Variants in KIAA1614 observed in about 807,000 individuals in gnomAD.
KIAA1614 encodes the protein KIAA1614, also known as uncharacterized protein KIAA1614.
In KIAA1614, 76 loss-of-function variants were observed where a neutral mutation model predicts 88.7. That is an observed-to-expected ratio of 0.86 (90% CI 0.71 to 1.04). The LOEUF is 1.04. Among genes scored for constraint, KIAA1614 ranks in the 50% least tolerant of loss-of-function variants. The pLI is 0.00. For missense variants in KIAA1614, 1,553 were observed against 1,582.5 expected (o/e 0.98, Z 0.32); for synonymous variants, 714 against 675.5 (o/e 1.06, Z -0.88).
chr1:180,942,215 T>TA (rs1654484560), intron 7 of KIAA1614, among the ~76,000 whole-genome samples: 2 of 152,230 alleles, frequency 1.3e-5, no homozygotes, highest in South Asian at 4.1e-4. Context: ...TTCCGGTACT[T>TA]ACTAGGGAAG....
In KIAA1614 at chr1:180,913,251, G is replaced by A. The variant is rs544186898; in HGVS notation, c.8G>A (p.Gly3Glu). 62 of 1,262,478 alleles carry A rather than the reference G, an allele frequency of 4.9e-5. No homozygotes were observed. In the African/African-American group the frequency reaches 8.7e-4, roughly 18 times the overall value. 78.2% of individuals were successfully genotyped at this position (1,262,478 alleles called of 1,614,324 possible). ME[G>E]TEAAAAKPAG... Reference sequence around the variant, plus strand: ...GCCTGGCCTCTCCGAGGGATGGAGGGGACAGAGGCGGCGGCGGCCAAACCC... The same window carrying A: ...GCCTGGCCTCTCCGAGGGATGGAGGAGACAGAGGCGGCGGCGGCCAAACCC... Residue 3 changes from glycine (G) to glutamate (E), a missense_variant, in exon 1 of 9, where the codon GGG (glycine) becomes GAG (glutamate). Coordinates refer to ENST00000367588, the MANE Select transcript of KIAA1614 (RefSeq NM_020950.2).
At position 180,945,544 on chromosome 1, in the gene KIAA1614, A is replaced by T. The variant is rs1558074144; in HGVS notation, c.3529A>T (p.Arg1177Trp). Residue 1177 changes from arginine to tryptophan, a missense_variant, in exon 9 of 9, where the codon AGG (arginine) becomes TGG (tryptophan). By Grantham distance (101) the Arg-to-Trp change is moderately radical. Coordinates refer to ENST00000367588, the MANE Select transcript of KIAA1614 (RefSeq NM_020950.2). ...HGWGGLSKQG[R>W]AFWLWSEAFL... ...CTGGGGCGGCCTTAGCAAACAAGGC[A>T]GGGCCTTCTGGCTGTGGTCAGAGGC... 6.2e-7 allele frequency: 1 copy of T among 1,613,674 alleles called. No homozygotes were observed. The highest frequency in any genetic ancestry group is 8.5e-7 in the Non-Finnish European group (1 of 1,179,946).
Position 180,935,688 on chromosome 1 carries a change from G to C in KIAA1614, c.1779G>C (p.Trp593Cys), listed in dbSNP as rs1286531188. ...CAGAGCCCCGGCTCCACATGGAATG[G>C]ATCCGGGAAACACACATCGGAGACA... ...LPAEPRLHME[W>C]IRETHIGDTV... Residue 593 changes from tryptophan (W) to cysteine (C), a missense_variant, in exon 5 of 9, where the codon TGG (tryptophan) becomes TGC (cysteine). By Grantham distance (215) the Trp-to-Cys change is radical (BLOSUM62 -2). Coordinates refer to ENST00000367588, the MANE Select transcript of KIAA1614 (RefSeq NM_020950.2). The surrounding 1 kb of genome is among the most constrained non-coding windows in gnomAD (Gnocchi z 6.1). 1.9e-5 allele frequency: 30 copies of C among 1,613,502 alleles called. No individual in the cohort carries two copies. Among genetic ancestry groups the C allele is most frequent in the Non-Finnish European group, 2.4e-5 (28 of 1,179,948 alleles).
chr1:180,938,151 GT>G (rs1558071442), intron 5 of KIAA1614, among the ~76,000 whole-genome samples: 1 of 152,230 alleles, frequency 6.6e-6, no homozygotes, highest in African/African-American at 2.4e-5. Context: ...AAGATTGTGG[GT>G]TTTGTCCCAG....
Position 180,946,320 on chromosome 1 carries a change from G to C in KIAA1614, c.*732G>C, listed in dbSNP as rs761465956. On this transcript the variant is annotated 3_prime_UTR_variant, in exon 9 of 9. Transcript: ENST00000367588. ...CCGTCCCTCCCTCAGGCCTGTGCCC[G>C]ATGATTATGTTCAGATGAATCCTGG... 1 of 152,314 alleles carries C rather than the reference G, an allele frequency of 6.6e-6. No homozygotes were observed. The highest frequency in any genetic ancestry group is 3.4e-3 in the Middle Eastern group (1 of 294). The allele number at this position is 152,314 out of a possible 1,614,324, so 9.4% of individuals were successfully genotyped here.
chr1:180,945,252 G>A (rs748047306), intron 8 of KIAA1614, 51 bp from the exon 9 acceptor site: 19 of 1,546,386 alleles, frequency 1.2e-5, no homozygotes, highest in Non-Finnish European at 1.0e-5. Flanking sequence ...GAAGAGCTGT[G>A]CCCAGTGCCT....
chr1:180,917,151 AGAGGGAGGAAAAGGGGAC>A (rs1653835067), intron 2 of KIAA1614, 51 bp downstream of exon 2: 1 of 1,476,800 alleles, frequency 6.8e-7, no homozygotes, highest in East Asian at 2.3e-5. Context: ...GAGGGAATCC[AGAGGGAGGAAAAGGGGAC>A]GAGGGGGTCC....
chr1:180,916,745 T>C lies in KIAA1614; in HGVS notation c.642T>C (p.His214=). ...GPSSLQQSPI[H]GVTPGRPGGP... ...GCTCTTTGCAACAGAGCCCGATCCA[T>C]GGAGTTACTCCCGGACGGCCTGGGG... The change falls in exon 2 of 9, where the codon CAT becomes CAC. Residue 214 remains histidine, a synonymous_variant. Coordinates refer to ENST00000367588, the MANE Select transcript of KIAA1614 (RefSeq NM_020950.2). 6.2e-7 allele frequency: 1 copy of C among 1,614,182 alleles called. No homozygotes were observed. Among genetic ancestry groups the C allele is most frequent in the Non-Finnish European group, 8.5e-7 (1 of 1,180,034 alleles).
chr1:180,936,711 T>C (rs1571297976), intron 5 of KIAA1614, 41 bp downstream of exon 5: 1 of 1,382,368 alleles, frequency 7.2e-7, no homozygotes, highest in Admixed American at 2.7e-5. Flanking sequence ...CCAGGCCTGG[T>C]GTGGTTCTAC....
rs1654631849 is a variant in KIAA1614 at position 180,947,927 on chromosome 1, TG to T, written c.*2340del. On this transcript the variant is annotated 3_prime_UTR_variant, in exon 9 of 9. Coordinates refer to ENST00000367588, the MANE Select transcript of KIAA1614 (RefSeq NM_020950.2). ...AGCGTGATCCGCATTCACCTGTCGA[TG>T]TGAGTGCACACACAACAGGTCATTG... 1 of 152,278 alleles carries T rather than the reference TG, an allele frequency of 6.6e-6. No individual in the cohort carries two copies. The highest frequency in any genetic ancestry group is 1.5e-5 in the Non-Finnish European group (1 of 68,060). 9.4% of individuals were successfully genotyped at this position (152,278 alleles called of 1,614,324 possible).
At chr1:180,941,384 C>T in intron 7 of KIAA1614, 99 bp downstream of exon 7, 1 of 1,402,426 alleles carries the variant, frequency 7.1e-7, no homozygotes, top group Non-Finnish European at 9.7e-7. Context: ...GAGGATGCCT[C>T]CCAAGGAGCC....
At chr1:180,917,750 G>C (rs1336280536) in intron 2 of KIAA1614, 101 bp from the exon 3 acceptor site, 1 of 955,348 alleles carries the variant, frequency 1.0e-6, no homozygotes, top group Non-Finnish European at 1.7e-6. Flanking sequence ...TGGGGAGTAA[G>C]TTGCTTCTGG....
chr1:180,913,249 G>A lies in KIAA1614; in HGVS notation c.6G>A (p.Glu2=), dbSNP rs1215335237. M[E]GTEAAAAKPA... ...GGGCCTGGCCTCTCCGAGGGATGGA[G>A]GGGACAGAGGCGGCGGCGGCCAAAC... The change falls in exon 1 of 9, where the codon GAG becomes GAA. Residue 2 remains glutamate, a synonymous_variant. Coordinates refer to ENST00000367588, the MANE Select transcript of KIAA1614 (RefSeq NM_020950.2). 8 of 1,261,782 alleles carry A rather than the reference G, an allele frequency of 6.3e-6. No individual in the cohort carries two copies. The highest frequency in any genetic ancestry group is 4.2e-5 in the Admixed American group (1 of 23,948). 78.2% of individuals were successfully genotyped at this position (1,261,782 alleles called of 1,614,324 possible).
intron 7 of KIAA1614, among the ~76,000 whole-genome samples, chr1:180,941,672 C>A (rs1654468892): frequency 6.6e-6 from 1 of 152,240 alleles, no homozygotes; most frequent in African/African-American, 2.4e-5. Flanking sequence ...AGTCCCTTGA[C>A]TGGCCTCCCT....
chr1:180,916,642 G>A lies in KIAA1614; in HGVS notation c.539G>A (p.Cys180Tyr). 6.2e-7 allele frequency: 1 copy of A among 1,601,576 alleles called. No homozygotes were observed. The change falls in exon 2 of 9, where the codon TGC becomes TAC. Residue 180 changes from cysteine to tyrosine, a missense_variant. Transcript: ENST00000367588. ...CCGCCTGCCCCTGGACGTGAGTACT[G>A]CAACAGGGGGAGCCCGTGGCCTCCA... is the stretch of plus-strand genomic sequence containing the variant. ...PRPPAPGREY[C>Y]NRGSPWPPEA... is the part of the protein sequence containing the mutation.
intron 5 of KIAA1614, among the ~76,000 whole-genome samples, chr1:180,937,429 A>C (rs1478163294): frequency 6.6e-6 from 1 of 152,144 alleles, no homozygotes; most frequent in Non-Finnish European, 1.5e-5. Context: ...GGGTCTCACC[A>C]CTTTGCCTTT....
Position 180,916,557 on chromosome 1 carries a change from C to A in KIAA1614, c.454C>A (p.Leu152Met), listed in dbSNP as rs1228893274. 6.2e-7 allele frequency: 1 copy of A among 1,612,008 alleles called. No homozygotes were observed. The highest frequency in any genetic ancestry group is 1.3e-5 in the African/African-American group (1 of 74,928). ...PRTQNLPDGQ[L>M]DGSINEEQPA... ...TACCCAAAACCTGCCTGATGGGCAG[C>A]TGGACGGCAGCATCAATGAGGAGCA... Residue 152 changes from leucine to methionine, a missense_variant, in exon 2 of 9, where the codon CTG becomes ATG. By Grantham distance (15) the Leu-to-Met change is conservative (BLOSUM62 2). Coordinates refer to ENST00000367588, the MANE Select transcript of KIAA1614 (RefSeq NM_020950.2).
intron 7 of KIAA1614, among the ~76,000 whole-genome samples, chr1:180,941,779 G>A (rs1387213027): frequency 6.6e-6 from 1 of 152,090 alleles, no homozygotes; most frequent in African/African-American, 2.4e-5. Context: ...GTCCCTTATC[G>A]CCTTCAAGAC....
intron 4 of KIAA1614, among the ~76,000 whole-genome samples, chr1:180,930,287 C>T (rs1197877784): frequency 1.3e-5 from 2 of 151,988 alleles, no homozygotes; most frequent in Admixed American, 6.6e-5. Flanking sequence ...GGCGTGGTGG[C>T]GGGCACCTGT....
Sources: allele counts gnomAD v4.1 joint callset (sites outside exome capture counted in the v4.1 genomes callset), GRCh38; gene constraint gnomAD v4.1.1; non-coding constraint Gnocchi (gnomAD v3.1); transcripts MANE v1.5; gene names NCBI Gene and HGNC (gene_info 2026-07-23, HGNC 2026-07-21).